The following PSME4 variants were observed in gnomAD, a reference collection of about 807,000 sequenced individuals.
PSME4 encodes proteasome activator subunit 4.
In PSME4, 89 loss-of-function variants were observed where a neutral mutation model predicts 253.9. The observed-to-expected ratio is 0.35, with a 90% confidence interval of 0.30 to 0.42. The LOEUF (loss-of-function observed/expected upper bound fraction) is 0.42, where lower values mean the gene tolerates loss of function less well. Ranked by LOEUF, PSME4 falls within the 10% of genes least tolerant of loss-of-function variation. The pLI is 1.00. For missense variants in PSME4, 2,014 were observed against 2,195.2 expected, an observed-to-expected ratio of 0.92 and a Z score of 1.65; for synonymous variants, 851 against 759.2, an observed-to-expected ratio of 1.12 and a Z score of -1.99.
chr2:53,954,949 G>A (rs988125260), intron 1 of PSME4, among the ~76,000 whole-genome samples: 1 of 152,072 alleles, frequency 6.6e-6, no homozygotes, highest in Non-Finnish European at 1.5e-5. Flanking sequence ...GGAAGTTGAG[G>A]AGGAAAGATC....
At chr2:53,966,051 G>C (rs1670720079) in intron 1 of PSME4, among the ~76,000 whole-genome samples, 1 of 152,254 alleles carries the variant, frequency 6.6e-6, no homozygotes, top group South Asian at 2.1e-4. Context: ...GGGAGGCCGA[G>C]ATCTTGGGCG....
intron 20 of PSME4, among the ~76,000 whole-genome samples, chr2:53,915,137 A>G (rs1416566823): frequency 1.3e-5 from 2 of 152,168 alleles, no homozygotes; most frequent in South Asian, 4.1e-4. Context: ...AGGAAAACTA[A>G]AAAGTAACCT....
chr2:53,901,004 C>A (rs777977493), intron 28 of PSME4, among the ~76,000 whole-genome samples: 1 of 152,144 alleles, frequency 6.6e-6, no homozygotes, highest in African/African-American at 2.4e-5. Flanking sequence ...AGTAGTCGAT[C>A]TTTTGCGACT....
At chr2:53,872,511 C>A (rs910138407) in intron 43 of PSME4, among the ~76,000 whole-genome samples, 1 of 151,792 alleles carries the variant, frequency 6.6e-6, no homozygotes, top group Non-Finnish European at 1.5e-5. Flanking sequence ...AAGGCCAAGG[C>A]GGGTAGATTG....
chr2:53,897,973 A>G lies in PSME4; in HGVS notation c.3503T>C (p.Ile1168Thr). 2.5e-6 allele frequency: 4 copies of G among 1,613,844 alleles called. No homozygotes were observed. Among genetic ancestry groups the G allele is most frequent in the Non-Finnish European group, 3.4e-6 (4 of 1,179,750 alleles). ...NLPWKFEHIGIGLLSLLLRDD... is the reference protein window; with the variant it reads ...NLPWKFEHIGTGLLSLLLRDD... ...TCTCAGCAGTAGAGACAGAAGCCCA[A>G]TGCCTATATGTTCAAATTTCCAGGG... Residue 1168 changes from isoleucine to threonine, a missense_variant, in exon 31 of 47, where the codon ATT becomes ACT. Physicochemically the swap from Ile to Thr is moderately conservative, Grantham distance 89. This residue lies in a region of PSME4 where 989 missense variants were observed against 1,021.1 expected (regional missense o/e 0.97). Transcript: ENST00000404125.
chr2:53,934,039 G>A (rs945225904), intron 8 of PSME4, among the ~76,000 whole-genome samples: 1 of 152,194 alleles, frequency 6.6e-6, no homozygotes, highest in African/African-American at 2.4e-5. Context: ...AGAAATAGCT[G>A]CAGAAGCAAT....
At position 53,899,962 on chromosome 2, in the gene PSME4, G is replaced by C; in HGVS notation, c.3341C>G (p.Ser1114Cys). 2.5e-6 allele frequency: 4 copies of C among 1,613,492 alleles called. No homozygotes were observed. Among genetic ancestry groups the C allele is most frequent in the South Asian group, 1.1e-5 (1 of 91,068 alleles). ...AELLQQSKNPSINQILLSPEK... is the reference protein window; with the variant it reads ...AELLQQSKNPCINQILLSPEK... Reference sequence around the variant, plus strand: ...TGGGCTAAGCAATATCTGGTTGATAGAGGGGTTTTTTGACTGTTGAAGTAA... The same window carrying C: ...TGGGCTAAGCAATATCTGGTTGATACAGGGGTTTTTTGACTGTTGAAGTAA... The change falls in exon 29 of 47, where the codon TCT becomes TGT. Residue 1114 changes from serine to cysteine, a missense_variant. By Grantham distance (112) the Ser-to-Cys change is moderately radical (BLOSUM62 -1). Coordinates refer to ENST00000404125, the MANE Select transcript of PSME4 (RefSeq NM_014614.3).
At position 53,897,023 on chromosome 2, in the gene PSME4, T is replaced by A. The variant is rs540344738; in HGVS notation, c.3607-138A>T. 1.4e-4 allele frequency: 95 copies of A among 660,588 alleles called. No individual in the cohort carries two copies. The South Asian group carries it at 1.5e-3, about 11-fold the overall frequency. The allele number at this position is 660,588 out of a possible 1,614,324, so 40.9% of individuals were successfully genotyped here. A position where few individuals can be genotyped will look rare whatever the true frequency, so the allele number is the denominator to read the frequency against. Reference sequence around the variant, plus strand: ...CTATCGACATCTGGCAGTACATCCATGTGAGTGCTAAATCTGACTTAGAAT... The same window carrying A: ...CTATCGACATCTGGCAGTACATCCAAGTGAGTGCTAAATCTGACTTAGAAT... On this transcript the variant is annotated intron_variant, in intron 31 of 46. Transcript: ENST00000404125.
intron 1 of PSME4, among the ~76,000 whole-genome samples, chr2:53,967,989 C>T (rs543110513): frequency 2.6e-5 from 4 of 152,056 alleles, no homozygotes; most frequent in African/African-American, 7.2e-5. Flanking sequence ...GAATTTAGTC[C>T]AGGCCGGGTG....
intron 1 of PSME4, among the ~76,000 whole-genome samples, chr2:53,957,626 G>A (rs1224822513): frequency 1.3e-5 from 2 of 152,168 alleles, no homozygotes; most frequent in East Asian, 1.9e-4. Context: ...ACAGGCCACA[G>A]CAGATTAACA....
At chr2:53,926,098 T>C in intron 12 of PSME4, 75 bp from the exon 13 acceptor site, 3 of 1,194,008 alleles carry the variant, frequency 2.5e-6, no homozygotes, top group Non-Finnish European at 3.7e-6. Context: ...AACTCAATTA[T>C]TGCCTGCCAA....
In PSME4 at chr2:53,940,004, G is replaced by T. The variant is rs746110703; in HGVS notation, c.501-4C>A. The T allele has an allele frequency of 8.3e-6, 13 of 1,570,726 alleles. No individual in the cohort carries two copies. In the East Asian group the frequency reaches 1.1e-4, roughly 14 times the overall value. On this transcript the variant is annotated splice_region_variant and splice_polypyrimidine_tract_variant and intron_variant, in intron 3 of 46. Transcript: ENST00000404125. ...TTTGAGAATATTTTCTACAGAACTG[G>T]GGGGGGAAAGCCATTTGATAATTAG...
chr2:53,951,892 T>G (rs1670014790), intron 1 of PSME4, among the ~76,000 whole-genome samples: 1 of 152,182 alleles, frequency 6.6e-6, no homozygotes, highest in South Asian at 2.1e-4. Context: ...GCACGTAGAT[T>G]AGTGAAGACA....
chr2:53,960,132 G>A (rs562552021), intron 1 of PSME4, among the ~76,000 whole-genome samples: 13 of 152,322 alleles, frequency 8.5e-5, no homozygotes, highest in African/African-American at 3.1e-4. Context: ...AGGCATGGTG[G>A]CTCACGCCCG....
intron 36 of PSME4, among the ~76,000 whole-genome samples, chr2:53,891,803 A>G (rs941590012): frequency 4.6e-5 from 7 of 151,728 alleles, no homozygotes; most frequent in Admixed American, 1.3e-4. Context: ...GCAGTGAGCA[A>G]TGATCACACT....
intron 37 of PSME4, 140 bp from the exon 38 acceptor site, chr2:53,888,952 G>A (rs2104424526): frequency 1.6e-6 from 1 of 617,322 alleles, no homozygotes; most frequent in South Asian, 3.0e-5. Flanking sequence ...TGGTATGATT[G>A]CCTCCCAGGC....
intron 14 of PSME4, 137 bp from the exon 15 acceptor site, chr2:53,923,556 T>C (rs1356559060): frequency 2.5e-6 from 3 of 1,200,296 alleles, no homozygotes; most frequent in Admixed American, 3.3e-5. Flanking sequence ...TCTGATTTTA[T>C]AAGAATTTGT....
intron 20 of PSME4, among the ~76,000 whole-genome samples, chr2:53,916,186 G>A (rs556229023): frequency 4.9e-5 from 7 of 143,692 alleles, no homozygotes; most frequent in Non-Finnish European, 1.0e-4. Context: ...GGTGGAGGTC[G>A]CAGTGAGCTG....
At chr2:53,885,041 T>C (rs759753064) in intron 41 of PSME4, among the ~76,000 whole-genome samples, 26 of 152,348 alleles carry the variant, frequency 1.7e-4, no homozygotes, top group Middle Eastern at 3.4e-3. Context: ...GTGATGTTTA[T>C]GCCAAGCCTT....
Sources: gnomAD v4.1 joint callset for allele counts (sites outside exome capture counted in the v4.1 genomes callset) on GRCh38, gnomAD v4.1.1 for gene constraint, gnomAD v4.1.1 regional missense constraint, MANE v1.5 for transcripts, NCBI Gene and HGNC (gene_info 2026-07-23, HGNC 2026-07-21) for gene names.